The following PSMD14 variants were observed in gnomAD, a reference collection of about 807,000 sequenced individuals.
PSMD14 encodes ubiquitin C-terminal hydrolase PSMD14.
In PSMD14, 7 loss-of-function variants were observed where a neutral mutation model predicts 41.2. That is an observed-to-expected ratio of 0.17 (90% CI 0.10 to 0.32). The LOEUF (loss-of-function observed/expected upper bound fraction) is 0.32. PSMD14 is among the 10% of genes least tolerant of loss of function. PSMD14 has a pLI of 1.00. For synonymous variants in PSMD14, 114 were observed against 122.3 expected (o/e 0.93, Z 0.45); for missense variants, 139 against 375.6 (o/e 0.37, Z 5.21).
At chr2:161,400,930 C>G (rs774047633) in intron 10 of PSMD14, among the ~76,000 whole-genome samples, 1 of 151,462 alleles carries the variant, frequency 6.6e-6, no homozygotes, top group Non-Finnish European at 1.5e-5. Flanking sequence ...TCATTTGCTA[C>G]CATAAAACAT....
At chr2:161,396,966 T>C (rs1289070187) in intron 10 of PSMD14, among the ~76,000 whole-genome samples, 1 of 152,142 alleles carries the variant, frequency 6.6e-6, no homozygotes, top group African/African-American at 2.4e-5. Context: ...TAGCTGGGAT[T>C]ACAGGCGCCC....
intron 3 of PSMD14, among the ~76,000 whole-genome samples, chr2:161,353,191 A>AT (rs1683144574): frequency 6.6e-6 from 1 of 152,232 alleles, no homozygotes. Context: ...TTAAGACTTA[A>AT]TATTTTATGT....
At chr2:161,359,671 G>A (rs201112067) in intron 3 of PSMD14, among the ~76,000 whole-genome samples, 1 of 152,178 alleles carries the variant, frequency 6.6e-6, no homozygotes, top group East Asian at 1.9e-4. Flanking sequence ...AACTACTTTT[G>A]AATAGGAAGG....
chr2:161,353,676 A>G (rs1683151570), intron 3 of PSMD14, among the ~76,000 whole-genome samples: 1 of 152,106 alleles, frequency 6.6e-6, no homozygotes, highest in African/African-American at 2.4e-5. Flanking sequence ...TTATGCATCT[A>G]TTTTTGTACT....
chr2:161,312,795 GTATA>G (rs1480697670), intron 1 of PSMD14, among the ~76,000 whole-genome samples: 1 of 152,136 alleles, frequency 6.6e-6, no homozygotes, highest in Non-Finnish European at 1.5e-5. Flanking sequence ...TTTATGTTAA[GTATA>G]ACACATTCAC....
intron 3 of PSMD14, among the ~76,000 whole-genome samples, chr2:161,327,695 TGGCAACACATTAATC>T (rs924126034): frequency 1.3e-5 from 2 of 152,030 alleles, no homozygotes; most frequent in African/African-American, 4.8e-5. Flanking sequence ...GACAGGATAC[TGGCAACACATTAATC>T]TGCAACACCA....
chr2:161,341,868 A>T (rs947038379), intron 3 of PSMD14, among the ~76,000 whole-genome samples: 14 of 136,198 alleles, frequency 1.0e-4, no homozygotes, highest in African/African-American at 3.8e-4. Flanking sequence ...AAATTAAAAA[A>T]AATATATATG....
At chr2:161,341,014 C>T (rs1682947803) in intron 3 of PSMD14, 1 of 1,610,580 alleles carries the variant, frequency 6.2e-7, no homozygotes, top group Non-Finnish European at 8.5e-7. Context: ...TGCTCCTCCG[C>T]CTCCGCTGGC....
At chr2:161,335,543 T>G (rs764208065) in intron 3 of PSMD14, among the ~76,000 whole-genome samples, 1 of 152,258 alleles carries the variant, frequency 6.6e-6, no homozygotes. Flanking sequence ...TCCATAGATA[T>G]AAAGCTGCAT....
rs569239245 is a variant in PSMD14 at position 161,309,812 on chromosome 2, G to T, written c.-138+1208G>T. ...TCACCTGTTGACTTTGGGAGTTTTT[G>T]GTTTTTTGTTTTTTTTTCAGCCTAA... On this transcript the variant is annotated intron_variant, in intron 1 of 11. Transcript: ENST00000409682. 9.9e-5 allele frequency among the ~76,000 whole-genome samples: 15 copies of T among 152,094 alleles called. No individual in the cohort carries two copies. The East Asian group carries it at 1.7e-3, about 18-fold the overall frequency.
chr2:161,334,199 G>A (rs1408951397), intron 3 of PSMD14, among the ~76,000 whole-genome samples: 1 of 152,194 alleles, frequency 6.6e-6, no homozygotes, highest in African/African-American at 2.4e-5. Flanking sequence ...AAGTGGGTAT[G>A]GTGTTGCATG....
intron 10 of PSMD14, among the ~76,000 whole-genome samples, chr2:161,398,204 C>G (rs1192395272): frequency 6.6e-6 from 1 of 152,044 alleles, no homozygotes; most frequent in African/African-American, 2.4e-5. Flanking sequence ...GTAATTCCCT[C>G]TGTGATTGAA....
At chr2:161,408,998 C>CT (rs1192685189) in intron 11 of PSMD14, 99 bp downstream of exon 11, 1 of 861,860 alleles carries the variant, frequency 1.2e-6, no homozygotes, top group Non-Finnish European at 1.8e-6. Context: ...CCTGTCCACT[C>CT]TATGTTTTTC....
At chr2:161,343,845 T>G (rs1240817606) in intron 3 of PSMD14, among the ~76,000 whole-genome samples, 8 of 151,876 alleles carry the variant, frequency 5.3e-5, no homozygotes, top group Non-Finnish European at 8.8e-5. Flanking sequence ...AAAAAAAATG[T>G]CTTTGAGTCT....
chr2:161,399,617 T>A (rs1468821665), intron 10 of PSMD14, among the ~76,000 whole-genome samples: 1 of 152,068 alleles, frequency 6.6e-6, no homozygotes, highest in African/African-American at 2.4e-5. Context: ...TAAAATAAGT[T>A]GAGCAAAAGA....
At chr2:161,384,276 T>C (rs1018339036) in intron 7 of PSMD14, 7 of 151,688 alleles carry the variant, frequency 4.6e-5, no homozygotes, top group African/African-American at 1.4e-4. Flanking sequence ...AGGTTTGTAT[T>C]TTTTGTTATT....
At chr2:161,329,189 C>T (rs116333687) in intron 3 of PSMD14, among the ~76,000 whole-genome samples, 87 of 152,228 alleles carry the variant, frequency 5.7e-4, no homozygotes, top group African/African-American at 2.1e-3. Context: ...AACTTGGACA[C>T]TCTGAAGATG....
At chr2:161,381,984 A>G (rs1683576328) in intron 7 of PSMD14, 1 of 151,854 alleles carries the variant, frequency 6.6e-6, no homozygotes, top group South Asian at 2.1e-4. Flanking sequence ...GTCAGAGTGA[A>G]TACATATTTT....
chr2:161,358,903 G>A (rs1247523619), intron 3 of PSMD14, among the ~76,000 whole-genome samples: 2 of 152,216 alleles, frequency 1.3e-5, no homozygotes, highest in Non-Finnish European at 2.9e-5. Flanking sequence ...AGCACATGAA[G>A]TATCTTGAAA....
Sources: allele counts gnomAD v4.1 joint callset (sites outside exome capture counted in the v4.1 genomes callset), GRCh38; gene constraint gnomAD v4.1.1; transcripts MANE v1.5; gene names NCBI Gene and HGNC (gene_info 2026-07-23, HGNC 2026-07-21).